RIN2: variants seen among roughly 807,000 people sequenced by gnomAD.
RIN2 encodes the protein RAB5 interacting protein 2.
RIN2 carries 36 observed loss-of-function variants against 78.0 expected under a neutral mutation model. That is an observed-to-expected ratio of 0.46 (90% CI 0.35 to 0.61). The LOEUF (loss-of-function observed/expected upper bound fraction) is 0.61, where lower values mean the gene tolerates loss of function less well. Among genes scored for constraint, RIN2 ranks in the 20% least tolerant of loss-of-function variants. The probability of loss-of-function intolerance (pLI) is 0.00; values close to 1 mark genes in which losing one functional copy is unlikely to be tolerated. For synonymous variants in RIN2, 466 were observed against 466.8 expected, an observed-to-expected ratio of 1.00 and a Z score of 0.02; for missense variants, 1,087 against 1,159.7, an observed-to-expected ratio of 0.94 and a Z score of 0.91.
intron 3 of RIN2, among the ~76,000 whole-genome samples, chr20:19,899,002 A>G (rs904637517): frequency 6.6e-6 from 1 of 152,232 alleles, no homozygotes; most frequent in Non-Finnish European, 1.5e-5. Context: ...TCATAGCACT[A>G]AACACTTTTT....
intron 1 of RIN2, among the ~76,000 whole-genome samples, chr20:19,792,661 C>G (rs967204325): frequency 3.3e-5 from 5 of 152,198 alleles, no homozygotes; most frequent in Non-Finnish European, 5.9e-5. Context: ...TGGTGATTGA[C>G]AAGCCAAAGA....
At chr20:19,828,287 CCT>C (rs1003731565) in intron 2 of RIN2, among the ~76,000 whole-genome samples, 46 of 152,344 alleles carry the variant, frequency 3.0e-4, no homozygotes, top group African/African-American at 1.1e-3. Context: ...TCTTACAATG[CCT>C]CTCACTTCCA....
intron 2 of RIN2, among the ~76,000 whole-genome samples, chr20:19,852,053 C>T (rs752397543): frequency 6.6e-6 from 1 of 152,066 alleles, no homozygotes; most frequent in African/African-American, 2.4e-5. Context: ...TTCTCAGGGC[C>T]GTGGCAGAAG....
At chr20:19,856,046 C>A (rs1342502006) in intron 2 of RIN2, among the ~76,000 whole-genome samples, 2 of 152,080 alleles carry the variant, frequency 1.3e-5, no homozygotes, top group African/African-American at 4.8e-5. Flanking sequence ...TGCGCTCCAG[C>A]CTGCGTGACA....
At chr20:19,998,620 C>T (rs972778509) in intron 12 of RIN2, among the ~76,000 whole-genome samples, 2 of 152,130 alleles carry the variant, frequency 1.3e-5, no homozygotes, top group Admixed American at 6.5e-5. Context: ...CAAAAACAAA[C>T]AAACAAAAAG....
intron 1 of RIN2, among the ~76,000 whole-genome samples, chr20:19,778,720 G>A (rs1020540870): frequency 6.6e-6 from 1 of 152,190 alleles, no homozygotes; most frequent in Non-Finnish European, 1.5e-5. Flanking sequence ...TAATGGGGCA[G>A]TGGGCTGGGG....
intron 2 of RIN2, among the ~76,000 whole-genome samples, chr20:19,888,125 C>A (rs1455028232): frequency 6.6e-6 from 1 of 152,132 alleles, no homozygotes; most frequent in East Asian, 1.9e-4. Flanking sequence ...AGCAGGATCA[C>A]AAGTGGAAAG....
At chr20:19,857,211 A>G (rs2037195365) in intron 2 of RIN2, among the ~76,000 whole-genome samples, 1 of 152,148 alleles carries the variant, frequency 6.6e-6, no homozygotes, top group African/African-American at 2.4e-5. Flanking sequence ...TGATCTCCAT[A>G]TATATGGAAT....
At chr20:19,842,165 CTGT>C (rs2036596088) in intron 2 of RIN2, among the ~76,000 whole-genome samples, 1 of 152,136 alleles carries the variant, frequency 6.6e-6, no homozygotes, top group South Asian at 2.1e-4. Context: ...ACAATTGGAA[CTGT>C]AAAGCCTGTA....
Position 19,996,845 on chromosome 20 carries a change from G to T in RIN2, c.2364+3G>T. The stretch of plus-strand genomic sequence containing the variant: ...TCCCCTCTGTGGACGACTTCCAGGT[G>T]TGCAGCTGGCCACCCCTTTGCTTCC... On this transcript the variant is annotated splice_donor_region_variant and intron_variant, in intron 12 of 12. Transcript: ENST00000255006. 6.3e-7 allele frequency: 1 copy of T among 1,579,192 alleles called. No individual in the cohort carries two copies. The highest frequency in any genetic ancestry group is 8.6e-7 in the Non-Finnish European group (1 of 1,161,154).
intron 2 of RIN2, among the ~76,000 whole-genome samples, chr20:19,875,165 ATT>A (rs200641937): frequency 7.4e-6 from 1 of 135,700 alleles, no homozygotes; most frequent in Non-Finnish European, 1.6e-5. Flanking sequence ...CCAGCAGATA[ATT>A]TTTTTTTTTT....
chr20:19,832,197 C>T (rs1005506989), intron 2 of RIN2, among the ~76,000 whole-genome samples: 1 of 151,314 alleles, frequency 6.6e-6, no homozygotes, highest in African/African-American at 2.4e-5. Flanking sequence ...AGTGGGGATA[C>T]TAAGGCAAGC....
chr20:19,941,764 G>A lies in RIN2; in HGVS notation c.158+6565G>A, dbSNP rs1461163176. ...CATGATTTCAATGAATTCTATGAGGGTTGACCAACTCTTCGCTACACTATC... is the reference window on the plus strand; with the variant it reads ...CATGATTTCAATGAATTCTATGAGGATTGACCAACTCTTCGCTACACTATC... On this transcript the variant is annotated intron_variant, in intron 4 of 12. Coordinates refer to ENST00000255006, the MANE Select transcript of RIN2 (RefSeq NM_018993.4). 3.9e-5 allele frequency among the ~76,000 whole-genome samples: 6 copies of A among 152,204 alleles called. No individual in the cohort carries two copies. The East Asian group carries it at 9.7e-4, about 25-fold the overall frequency.
intron 4 of RIN2, among the ~76,000 whole-genome samples, chr20:19,953,390 C>T (rs998284974): frequency 2.6e-5 from 4 of 151,984 alleles, no homozygotes; most frequent in Non-Finnish European, 5.9e-5. Context: ...CCTCAGCATC[C>T]CAAAGTGTGC....
At position 19,935,088 on chromosome 20, in the gene RIN2, T is replaced by C; in HGVS notation, c.58-11T>C. 6.3e-7 allele frequency: 1 copy of C among 1,578,182 alleles called. No homozygotes were observed. The highest frequency in any genetic ancestry group is 2.3e-5 in the East Asian group (1 of 42,912). On this transcript the variant is annotated splice_polypyrimidine_tract_variant and intron_variant, in intron 3 of 12. Transcript: ENST00000255006. The stretch of plus-strand genomic sequence containing the variant: ...ACTTCCTGACGTCATACTATTTTTG[T>C]CTTTGAATAGCTCATTGACACAATT...
Position 19,868,619 on chromosome 20 carries a change from T to C in RIN2, c.-36-20947T>C, listed in dbSNP as rs535010633. Reference sequence around the variant, plus strand: ...CGACAACAGGCCGTGCTCCATCCTGTAGGGGCACACAGCCTATGTGAGATA... The same window carrying C: ...CGACAACAGGCCGTGCTCCATCCTGCAGGGGCACACAGCCTATGTGAGATA... On this transcript the variant is annotated intron_variant, in intron 2 of 12. Transcript: ENST00000255006. Among the ~76,000 whole-genome samples the C allele has an allele frequency of 2.0e-5, 3 of 152,112 alleles. No homozygotes were observed. The East Asian group carries it at 5.8e-4, about 29-fold the overall frequency.
chr20:19,810,108 G>A (rs923921915), intron 2 of RIN2, among the ~76,000 whole-genome samples: 3 of 152,116 alleles, frequency 2.0e-5, no homozygotes, highest in African/African-American at 7.2e-5. Flanking sequence ...GCCCAGAAGT[G>A]CCAAGAGGGG....
chr20:19,939,947 A>G (rs1383729515), intron 4 of RIN2, among the ~76,000 whole-genome samples: 1 of 151,572 alleles, frequency 6.6e-6, no homozygotes, highest in Non-Finnish European at 1.5e-5. Flanking sequence ...TCCACCTCAT[A>G]GGTTCAAGCA....
chr20:19,923,492 T>TAAAATAAAATAAAA (rs1568614036), intron 3 of RIN2, among the ~76,000 whole-genome samples: 2 of 140,298 alleles, frequency 1.4e-5, no homozygotes, highest in African/African-American at 5.6e-5. Flanking sequence ...ATAAAATAAA[T>TAAAATAAAATAAAA]ATTGGCTGAG....
Sources: allele counts gnomAD v4.1 joint callset (sites outside exome capture counted in the v4.1 genomes callset), GRCh38; gene constraint gnomAD v4.1.1; transcripts MANE v1.5; gene names NCBI Gene and HGNC (gene_info 2026-07-23, HGNC 2026-07-21).